Variants in SLX4IP observed in about 807,000 individuals in gnomAD.
SLX4IP encodes SLX4 interacting protein.
A neutral mutation model predicts 32.9 loss-of-function variants in SLX4IP; 34 were observed. The observed-to-expected ratio is 1.03, with a 90% CI of 0.79 to 1.38. The LOEUF is 1.38. Among genes scored for constraint, SLX4IP ranks in the 40% most tolerant of loss-of-function variants. The pLI is 0.00. For missense variants in SLX4IP, 444 were observed against 479.0 expected, an observed-to-expected ratio of 0.93 and a Z score of 0.68; for synonymous variants, 172 against 171.7, an observed-to-expected ratio of 1.00 and a Z score of -0.01.
At chr20:10,484,120 C>T (rs1240808040) in intron 2 of SLX4IP, among the ~76,000 whole-genome samples, 1 of 152,120 alleles carries the variant, frequency 6.6e-6, no homozygotes, top group Non-Finnish European at 1.5e-5. Flanking sequence ...CCATGTCACA[C>T]TTATATTAAG....
At chr20:10,621,264 A>T in intron 6 of SLX4IP, 50 bp from the exon 7 acceptor site, 1 of 1,521,174 alleles carries the variant, frequency 6.6e-7, no homozygotes, top group Non-Finnish European at 9.1e-7. Flanking sequence ...GTTTTCTCTC[A>T]TGTTCAGCTA....
intron 6 of SLX4IP, among the ~76,000 whole-genome samples, chr20:10,617,175 G>A (rs1420254563): frequency 6.6e-6 from 1 of 152,202 alleles, no homozygotes; most frequent in African/African-American, 2.4e-5. Flanking sequence ...GCAAAAGGCT[G>A]TCTCACTGTA....
At chr20:10,596,854 C>T (rs944982203) in intron 4 of SLX4IP, among the ~76,000 whole-genome samples, 1 of 152,138 alleles carries the variant, frequency 6.6e-6, no homozygotes, top group South Asian at 2.1e-4. Context: ...TTTTAAAGCA[C>T]TCAGAGTAAT....
intron 2 of SLX4IP, among the ~76,000 whole-genome samples, chr20:10,531,134 C>A (rs2122464240): frequency 6.6e-6 from 1 of 152,252 alleles, no homozygotes; most frequent in Non-Finnish European, 1.5e-5. Flanking sequence ...GCATTGACTC[C>A]TCTTCTGGGA....
intron 4 of SLX4IP, among the ~76,000 whole-genome samples, chr20:10,568,198 A>G (rs150886887): frequency 6.6e-6 from 1 of 152,334 alleles, no homozygotes; most frequent in Non-Finnish European, 1.5e-5. Context: ...AATACACGCC[A>G]CCTTGTGCTG....
At chr20:10,460,264 A>G (rs1178525962) in intron 2 of SLX4IP, among the ~76,000 whole-genome samples, 1 of 152,232 alleles carries the variant, frequency 6.6e-6, no homozygotes, top group Admixed American at 6.5e-5. Context: ...TTTTATTACT[A>G]CTGAGAAATG....
In SLX4IP at chr20:10,621,418, G is replaced by C; in HGVS notation, c.506+4G>C. ...GGAGAAATGCTCTGAAAGAAATGTA[G>C]GTGCAATGTGTTTCCTTTTTCTCAT... On this transcript the variant is annotated splice_donor_region_variant and intron_variant, in intron 7 of 7. Transcript: ENST00000334534. 1 of 1,613,516 alleles carries C rather than the reference G, an allele frequency of 6.2e-7. No individual in the cohort carries two copies. The highest frequency in any genetic ancestry group is 8.5e-7 in the Non-Finnish European group (1 of 1,179,508).
intron 2 of SLX4IP, among the ~76,000 whole-genome samples, chr20:10,464,419 A>C (rs142690648): frequency 6.6e-6 from 1 of 152,198 alleles, no homozygotes; most frequent in African/African-American, 2.4e-5. Flanking sequence ...AGTGGTTCAC[A>C]TCTGTAATCC....
intron 1 of SLX4IP, among the ~76,000 whole-genome samples, chr20:10,451,018 C>G (rs1338775220): frequency 6.6e-6 from 1 of 152,054 alleles, no homozygotes; most frequent in Non-Finnish European, 1.5e-5. Flanking sequence ...TCCCAAAGTG[C>G]TGGGATTACA....
At chr20:10,529,760 A>G (rs1009902265) in intron 2 of SLX4IP, among the ~76,000 whole-genome samples, 1 of 152,088 alleles carries the variant, frequency 6.6e-6, no homozygotes, top group African/African-American at 2.4e-5. Context: ...AAAATGTTCA[A>G]TTCTAGTCCA....
intron 2 of SLX4IP, among the ~76,000 whole-genome samples, chr20:10,475,063 C>T (rs1224507610): frequency 6.6e-6 from 1 of 152,224 alleles, no homozygotes; most frequent in Non-Finnish European, 1.5e-5. Context: ...GGAATATTAT[C>T]TGCCAAGGCT....
At chr20:10,585,270 C>T (rs968672385) in intron 4 of SLX4IP, among the ~76,000 whole-genome samples, 4 of 152,202 alleles carry the variant, frequency 2.6e-5, no homozygotes, top group African/African-American at 9.7e-5. Context: ...TGTTCTATTT[C>T]TGCTGTCACT....
intron 2 of SLX4IP, among the ~76,000 whole-genome samples, chr20:10,526,423 A>G (rs1268813211): frequency 6.6e-6 from 1 of 152,240 alleles, no homozygotes; most frequent in African/African-American, 2.4e-5. Context: ...GAGCTAGAAT[A>G]TAATTCATTA....
chr20:10,627,329 A>G lies in SLX4IP; in HGVS notation c.*3950A>G, dbSNP rs2067184531. On this transcript the variant is annotated 3_prime_UTR_variant, in exon 8 of 8. Coordinates refer to ENST00000334534, the MANE Select transcript of SLX4IP (RefSeq NM_001009608.3). ...ACATTAATGAACTGAAACACGTTGAAGCAAGTAAAAAATCAAAATTAGGTT... is the reference window on the plus strand; with the variant it reads ...ACATTAATGAACTGAAACACGTTGAGGCAAGTAAAAAATCAAAATTAGGTT... The G allele has an allele frequency of 6.6e-6, 1 of 152,240 alleles. No homozygotes were observed. Among genetic ancestry groups the G allele is most frequent in the Non-Finnish European group, 1.5e-5 (1 of 68,042 alleles). 9.4% of individuals were successfully genotyped at this position (152,240 alleles called of 1,614,324 possible). A position where few individuals can be genotyped will look rare whatever the true frequency, so the allele number is the denominator to read the frequency against.
At chr20:10,568,747 A>G (rs909503064) in intron 4 of SLX4IP, among the ~76,000 whole-genome samples, 1 of 152,236 alleles carries the variant, frequency 6.6e-6, no homozygotes, top group Non-Finnish European at 1.5e-5. Context: ...TCCCTGAAAC[A>G]TGAATTCCAA....
chr20:10,563,691 C>A (rs1466755487), intron 4 of SLX4IP, among the ~76,000 whole-genome samples: 1 of 152,072 alleles, frequency 6.6e-6, no homozygotes, highest in African/African-American at 2.4e-5. Context: ...GTTCTTGGCA[C>A]CTTTGTTAAA....
chr20:10,441,069 T>C (rs1241769718), intron 1 of SLX4IP, among the ~76,000 whole-genome samples: 1 of 152,194 alleles, frequency 6.6e-6, no homozygotes, highest in East Asian at 1.9e-4. Context: ...TGAAGGGATG[T>C]GTTTTACAAG....
intron 4 of SLX4IP, among the ~76,000 whole-genome samples, chr20:10,574,252 A>G (rs1406359637): frequency 6.6e-6 from 1 of 152,236 alleles, no homozygotes; most frequent in East Asian, 1.9e-4. Flanking sequence ...CGTGATGTAC[A>G]AATCTTCCAG....
At chr20:10,500,091 G>C (rs1712109181) in intron 2 of SLX4IP, among the ~76,000 whole-genome samples, 1 of 151,594 alleles carries the variant, frequency 6.6e-6, no homozygotes, top group African/African-American at 2.4e-5. Context: ...TTAGATAGAT[G>C]GGGAAGACTT....
Sources: gnomAD v4.1 joint callset for allele counts (sites outside exome capture counted in the v4.1 genomes callset) on GRCh38, gnomAD v4.1.1 for gene constraint, MANE v1.5 for transcripts, NCBI Gene and HGNC (gene_info 2026-07-23, HGNC 2026-07-21) for gene names.